Variants in CREBBP observed in about 807,000 individuals in gnomAD.
The protein encoded by CREBBP is CREB-binding protein.
Under a neutral mutation model 265.0 loss-of-function variants are expected in CREBBP, and 19 were observed. That is an observed-to-expected ratio of 0.07 (90% CI 0.05 to 0.11). The LOEUF (loss-of-function observed/expected upper bound fraction) is 0.11, where lower values mean the gene tolerates loss of function less well. CREBBP is among the 10% of genes least tolerant of loss of function. The probability of loss-of-function intolerance (pLI) is 1.00; values close to 1 mark genes in which losing one functional copy is unlikely to be tolerated. For synonymous variants in CREBBP, 1,457 were observed against 1,223.7 expected, an observed-to-expected ratio of 1.19 and a Z score of -3.98; for missense variants, 2,525 against 3,219.0, an observed-to-expected ratio of 0.78 and a Z score of 5.22.
chr16:3,770,595 A>T lies in CREBBP; in HGVS notation c.2855T>A (p.Val952Glu), dbSNP rs2141198753. 6.2e-7 allele frequency: 1 copy of T among 1,613,582 alleles called. No homozygotes were observed. The highest frequency in any genetic ancestry group is 8.5e-7 in the Non-Finnish European group (1 of 1,179,996). Residue 952 changes from valine to glutamate, a missense_variant, in exon 14 of 31, where the codon GTG becomes GAG. This residue lies in a region of CREBBP where 548 missense variants were observed against 533.0 expected (regional missense o/e 1.03). Transcript: ENST00000262367. ...PQSSQQQPTPVHAQPPGTPLS... is the reference protein window; with the variant it reads ...PQSSQQQPTPEHAQPPGTPLS... ...CGGTGTGCCAGGAGGCTGGGCGTGC[A>T]CAGGCGTCGGCTGTTGCTGCGATGA...
chr16:3,801,576 A>G (rs1388760595), intron 3 of CREBBP, among the ~76,000 whole-genome samples: 1 of 152,172 alleles, frequency 6.6e-6, no homozygotes, highest in Non-Finnish European at 1.5e-5. Flanking sequence ...AGGCTGAGGC[A>G]AAAGAATCGC....
Position 3,792,111 on chromosome 16 carries a change from A to G in CREBBP, c.1217-17T>C. On this transcript the variant is annotated splice_polypyrimidine_tract_variant and intron_variant, in intron 4 of 30. Coordinates refer to ENST00000262367, the MANE Select transcript of CREBBP (RefSeq NM_004380.3). ...AATGGGCAACTATGACCAGAAAAAC[A>G]ACGAGATGTTATTTTTCTATCCAAA... is the stretch of plus-strand genomic sequence containing the variant. 3 of 1,574,686 alleles carry G rather than the reference A, an allele frequency of 1.9e-6. No individual in the cohort carries two copies. The highest frequency in any genetic ancestry group is 2.2e-5 in the East Asian group (1 of 44,670).
intron 19 of CREBBP, 93 bp downstream of exon 19, chr16:3,757,195 T>G: frequency 8.7e-7 from 1 of 1,149,090 alleles, no homozygotes; most frequent in Non-Finnish European, 1.3e-6. Context: ...CACTTTTTAT[T>G]GGAACTTCAG....
At chr16:3,851,413 G>A (rs2054834447) in intron 1 of CREBBP, among the ~76,000 whole-genome samples, 2 of 150,370 alleles carry the variant, frequency 1.3e-5, no homozygotes, top group African/African-American at 4.9e-5. Context: ...GTTAAACAGA[G>A]ATGAGAAGGA....
intron 2 of CREBBP, among the ~76,000 whole-genome samples, chr16:3,843,916 A>C (rs1301319220): frequency 6.6e-6 from 1 of 151,712 alleles, no homozygotes; most frequent in Non-Finnish European, 1.5e-5. Context: ...TGGGAGGCCG[A>C]GGCGGGCGGA....
chr16:3,843,376 C>T (rs1372408871), intron 2 of CREBBP, among the ~76,000 whole-genome samples: 1 of 151,672 alleles, frequency 6.6e-6, no homozygotes, highest in East Asian at 1.9e-4. Flanking sequence ...CTACTAAAAG[C>T]CTAAAAGAGC....
chr16:3,769,764 T>C (rs771932600), intron 14 of CREBBP, among the ~76,000 whole-genome samples: 7 of 152,150 alleles, frequency 4.6e-5, no homozygotes, highest in Non-Finnish European at 8.8e-5. Context: ...CCAAAGACAG[T>C]GTTACCCAGC....
intron 16 of CREBBP, among the ~76,000 whole-genome samples, chr16:3,765,039 T>A (rs1309305837): frequency 6.6e-6 from 1 of 152,028 alleles, no homozygotes; most frequent in African/African-American, 2.4e-5. Flanking sequence ...GAGTGCAGTA[T>A]CTCGGCTCAC....
rs764545471 is a variant in CREBBP at position 3,728,282 on chromosome 16, G to T, written c.6765C>A (p.Pro2255=). 3 of 1,612,100 alleles carry T rather than the reference G, an allele frequency of 1.9e-6. No individual in the cohort carries two copies. The highest frequency in any genetic ancestry group is 1.3e-5 in the African/African-American group (1 of 74,988). The stretch of plus-strand genomic sequence containing the variant: ...TCTGGCCCATGGAGCTGCCCTGGAG[G>T]GGGAGATGCTGCTGCATGCGCTGCT... ...QQQQRMQQHL[P]LQGSSMGQMA... is the part of the protein sequence containing the mutation. Residue 2255 remains proline, a synonymous_variant, in exon 31 of 31, where the codon CCC becomes CCA. Transcript: ENST00000262367. The surrounding 1 kb of genome is among the most constrained non-coding windows in gnomAD (Gnocchi z 8.7).
rs74936013 is a variant in CREBBP at position 3,790,703 on chromosome 16, T to A, written c.1330+1278A>T. 4.6e-5 allele frequency among the ~76,000 whole-genome samples: 7 copies of A among 152,276 alleles called. No homozygotes were observed. The East Asian group carries it at 1.4e-3, about 29-fold the overall frequency. On this transcript the variant is annotated intron_variant, in intron 5 of 30. Transcript: ENST00000262367. ...TGTGGTTCTTCTGTAGGGAGGCAGA[T>A]AACAGGCCCCATTACCCTGGCATTT...
At chr16:3,798,653 A>C (rs961427879) in intron 3 of CREBBP, among the ~76,000 whole-genome samples, 3 of 152,232 alleles carry the variant, frequency 2.0e-5, no homozygotes, top group Non-Finnish European at 4.4e-5. Context: ...CCACATGGCT[A>C]TAATAAAAAG....
chr16:3,786,845 G>A (rs1041563134), intron 5 of CREBBP, among the ~76,000 whole-genome samples: 1 of 152,190 alleles, frequency 6.6e-6, no homozygotes, highest in South Asian at 2.1e-4. Flanking sequence ...TATGAGGGTG[G>A]GGAGATCACC....
At chr16:3,875,575 A>G (rs953834001) in intron 1 of CREBBP, among the ~76,000 whole-genome samples, 14 of 152,188 alleles carry the variant, frequency 9.2e-5, no homozygotes, top group African/African-American at 3.4e-4. Flanking sequence ...CCCCTTAGTG[A>G]TCTCATTCAT....
chr16:3,761,325 C>T (rs2052712075), intron 16 of CREBBP, among the ~76,000 whole-genome samples: 1 of 152,146 alleles, frequency 6.6e-6, no homozygotes, highest in East Asian at 1.9e-4. Context: ...ATATGGTAAA[C>T]ATTTAAAGTT....
chr16:3,841,792 T>A (rs1187772498), intron 2 of CREBBP, among the ~76,000 whole-genome samples: 9 of 152,176 alleles, frequency 5.9e-5, no homozygotes. Context: ...CAGAGTGTGG[T>A]CCCTGACCAC....
chr16:3,875,505 C>A (rs886324388), intron 1 of CREBBP, among the ~76,000 whole-genome samples: 1 of 152,104 alleles, frequency 6.6e-6, no homozygotes, highest in Non-Finnish European at 1.5e-5. Context: ...AGGGGGACGC[C>A]CTAACCCAGG....
chr16:3,773,225 A>G (rs1420336878), intron 13 of CREBBP, among the ~76,000 whole-genome samples: 4 of 152,226 alleles, frequency 2.6e-5, no homozygotes, highest in African/African-American at 9.6e-5. Context: ...GAAAAAAGGA[A>G]GGAATAAATG....
At chr16:3,787,161 C>T (rs1483632245) in intron 5 of CREBBP, among the ~76,000 whole-genome samples, 1 of 152,116 alleles carries the variant, frequency 6.6e-6, no homozygotes, top group Non-Finnish European at 1.5e-5. Flanking sequence ...ATTGTGTGGG[C>T]CAGGACCTAC....
chr16:3,782,940 C>CA lies in CREBBP; in HGVS notation c.1331-15dup. ...ACCCCAGGATGGCTATAACGACAAA[C>CA]AGACAGACAGACAAAAACGAGAGGT... On this transcript the variant is annotated splice_polypyrimidine_tract_variant and intron_variant, in intron 5 of 30. Transcript: ENST00000262367. 1 of 1,614,018 alleles carries CA rather than the reference C, an allele frequency of 6.2e-7. No homozygotes were observed. Among genetic ancestry groups the CA allele is most frequent in the East Asian group, 2.2e-5 (1 of 44,880 alleles).
Sources: allele counts gnomAD v4.1 joint callset (sites outside exome capture counted in the v4.1 genomes callset), GRCh38; gene constraint gnomAD v4.1.1; regional missense constraint gnomAD v4.1.1; non-coding constraint Gnocchi (gnomAD v3.1); transcripts MANE v1.5; gene names NCBI Gene and HGNC (gene_info 2026-07-23, HGNC 2026-07-21).